Variants in CDH12 observed in about 807,000 individuals in gnomAD.
CDH12 encodes cadherin 12, also known as cadherin-12.
A neutral mutation model predicts 74.1 loss-of-function variants in CDH12; 41 were observed. The observed-to-expected ratio is 0.55, with a 90% CI of 0.43 to 0.72. CDH12 has a LOEUF of 0.72. CDH12 is among the 30% of genes least tolerant of loss of function. CDH12 has a pLI of 0.00. For missense variants in CDH12, 945 were observed against 977.2 expected, an observed-to-expected ratio of 0.97 and a Z score of 0.44; for synonymous variants, 399 against 355.0, an observed-to-expected ratio of 1.12 and a Z score of -1.39.
intron 2 of CDH12, among the ~76,000 whole-genome samples, chr5:22,417,520 T>C (rs1382123479): frequency 6.6e-6 from 1 of 152,228 alleles, no homozygotes; most frequent in Non-Finnish European, 1.5e-5. Context: ...TCGCCAGATA[T>C]GAGTTCCTTC....
At chr5:22,426,455 T>C (rs1743944745) in intron 2 of CDH12, among the ~76,000 whole-genome samples, 1 of 152,082 alleles carries the variant, frequency 6.6e-6, no homozygotes, top group Admixed American at 6.5e-5. Context: ...TATAACTACC[T>C]TAATATTTGA....
chr5:22,301,609 A>G (rs1737884359), intron 3 of CDH12, among the ~76,000 whole-genome samples: 1 of 152,058 alleles, frequency 6.6e-6, no homozygotes, highest in African/African-American at 2.4e-5. Context: ...CACCTAAAAC[A>G]AACATTTTTC....
intron 3 of CDH12, among the ~76,000 whole-genome samples, chr5:22,293,097 C>T (rs868654217): frequency 6.6e-6 from 1 of 152,146 alleles, no homozygotes; most frequent in African/African-American, 2.4e-5. Flanking sequence ...TAAAAACCCA[C>T]GTCTGTTCCT....
chr5:21,883,308 C>A (rs1374303455), intron 6 of CDH12: 43 of 1,495,242 alleles, frequency 2.9e-5, no homozygotes, highest in Non-Finnish European at 3.9e-5. Context: ...ATGTGAATTC[C>A]AGGATGCCTA....
At chr5:22,162,415 G>A (rs1031126306) in intron 4 of CDH12, among the ~76,000 whole-genome samples, 3 of 152,118 alleles carry the variant, frequency 2.0e-5, no homozygotes, top group Non-Finnish European at 4.4e-5. Flanking sequence ...CTTTGAACTT[G>A]TTCCTTATTT....
rs1223780129 is a variant in CDH12 at position 22,066,946 on chromosome 5, CCCTGGTA to C, written c.231+11493_231+11499del. 5.3e-5 allele frequency among the ~76,000 whole-genome samples: 8 copies of C among 152,202 alleles called. No individual in the cohort carries two copies. The East Asian group carries it at 1.4e-3, about 26-fold the overall frequency. ...CATTGCTTGAGAGAATCAGCACATC[CCCTGGTA>C]CCTGGTATGAAGCTTTTGATAATAG... On this transcript the variant is annotated intron_variant, in intron 5 of 14. Coordinates refer to ENST00000382254, the MANE Select transcript of CDH12 (RefSeq NM_004061.5).
At chr5:22,768,088 T>C (rs1321906982) in intron 1 of CDH12, among the ~76,000 whole-genome samples, 1 of 152,030 alleles carries the variant, frequency 6.6e-6, no homozygotes, top group Non-Finnish European at 1.5e-5. Context: ...TTACTACTTC[T>C]AGAATATAGT....
chr5:22,609,605 A>G (rs1737292990), intron 1 of CDH12, among the ~76,000 whole-genome samples: 1 of 152,226 alleles, frequency 6.6e-6, no homozygotes, highest in Non-Finnish European at 1.5e-5. Context: ...GCTCATTCTA[A>G]GCAACTGAAA....
intron 4 of CDH12, among the ~76,000 whole-genome samples, chr5:22,164,588 G>A (rs1289582651): frequency 1.3e-5 from 2 of 152,182 alleles, no homozygotes; most frequent in African/African-American, 4.8e-5. Context: ...GTGAAATAGA[G>A]TGAAAACAGA....
At chr5:22,829,816 A>G (rs1305189627) in intron 1 of CDH12, among the ~76,000 whole-genome samples, 1 of 152,202 alleles carries the variant, frequency 6.6e-6, no homozygotes, top group East Asian at 1.9e-4. Context: ...CATCAGTGGA[A>G]CCACAGTTAA....
intron 1 of CDH12, among the ~76,000 whole-genome samples, chr5:22,630,519 T>C (rs1444270482): frequency 6.6e-6 from 1 of 151,990 alleles, no homozygotes; most frequent in East Asian, 1.9e-4. Context: ...TCTTCAACGG[T>C]TGGCCAAAAC....
chr5:22,523,092 G>T (rs1020262837), intron 1 of CDH12, among the ~76,000 whole-genome samples: 2 of 152,068 alleles, frequency 1.3e-5, no homozygotes, highest in Non-Finnish European at 2.9e-5. Flanking sequence ...CTAGGTATCT[G>T]GATCCTAAGA....
At chr5:22,161,491 G>A (rs911483563) in intron 4 of CDH12, among the ~76,000 whole-genome samples, 12 of 152,050 alleles carry the variant, frequency 7.9e-5, no homozygotes, top group African/African-American at 2.9e-4. Context: ...AAGCTCAGGA[G>A]TTCGAGACCT....
intron 4 of CDH12, among the ~76,000 whole-genome samples, chr5:22,100,930 A>G (rs1333470263): frequency 6.6e-6 from 1 of 152,130 alleles, no homozygotes; most frequent in Non-Finnish European, 1.5e-5. Flanking sequence ...TTGTTTACCA[A>G]GGTATCAGCT....
chr5:22,660,606 T>A (rs1220480200), intron 1 of CDH12, among the ~76,000 whole-genome samples: 1 of 152,170 alleles, frequency 6.6e-6, no homozygotes, highest in Non-Finnish European at 1.5e-5. Flanking sequence ...TTTGTAAAGA[T>A]GAAGTCTCAC....
At chr5:22,085,061 A>G (rs752742310) in intron 4 of CDH12, among the ~76,000 whole-genome samples, 1 of 152,158 alleles carries the variant, frequency 6.6e-6, no homozygotes, top group Non-Finnish European at 1.5e-5. Flanking sequence ...CAGTGATAAA[A>G]TATTTATATT....
chr5:22,362,378 G>T (rs919964782), intron 3 of CDH12, among the ~76,000 whole-genome samples: 3 of 152,114 alleles, frequency 2.0e-5, no homozygotes, highest in African/African-American at 7.2e-5. Flanking sequence ...AAACCACAAT[G>T]AGATACCATC....
At chr5:22,137,730 C>A (rs1435158799) in intron 4 of CDH12, among the ~76,000 whole-genome samples, 1 of 151,932 alleles carries the variant, frequency 6.6e-6, no homozygotes, top group African/African-American at 2.4e-5. Flanking sequence ...TAATTTATTG[C>A]GACCCCATTG....
intron 3 of CDH12, among the ~76,000 whole-genome samples, chr5:22,320,259 T>C (rs1228742208): frequency 2.0e-5 from 3 of 152,164 alleles, no homozygotes; most frequent in African/African-American, 7.2e-5. Context: ...ATAGGTGACT[T>C]GATGTTTCAC....
Sources: allele counts gnomAD v4.1 joint callset (sites outside exome capture counted in the v4.1 genomes callset), GRCh38; gene constraint gnomAD v4.1.1; transcripts MANE v1.5; gene names NCBI Gene and HGNC (gene_info 2026-07-23, HGNC 2026-07-21).